Variants in XIRP2 observed in about 807,000 individuals in gnomAD.
The protein encoded by XIRP2 is xin actin-binding repeat-containing protein 2.
Under a neutral mutation model 277.0 loss-of-function variants are expected in XIRP2, and 236 were observed. The observed-to-expected ratio is 0.85, with a 90% CI of 0.77 to 0.95. The LOEUF is 0.95. Ranked by LOEUF, XIRP2 falls within the 40% of genes least tolerant of loss-of-function variation. XIRP2 has a pLI of 0.00. For synonymous variants in XIRP2, 1,490 were observed against 1,416.5 expected, an observed-to-expected ratio of 1.05 and a Z score of -1.17; for missense variants, 4,640 against 4,157.5, an observed-to-expected ratio of 1.12 and a Z score of -3.19.
intron 2 of XIRP2, among the ~76,000 whole-genome samples, chr2:167,118,494 TAAAATAAAATAAAA>T (rs1378787162): frequency 3.6e-4 from 47 of 131,702 alleles, no homozygotes; most frequent in African/African-American, 1.2e-3. Context: ...TAAAATAAAA[TAAAATAAAATAAAA>T]TAAAATAAAA....
In XIRP2 at chr2:167,254,135, TCCGATGCCA is replaced by T. The variant is rs1472342134; in HGVS notation, c.*12_*20del. 6.2e-7 allele frequency: 1 copy of T among 1,610,444 alleles called. No individual in the cohort carries two copies. Among genetic ancestry groups the T allele is most frequent in the East Asian group, 2.2e-5 (1 of 44,768 alleles). On this transcript the variant is annotated 3_prime_UTR_variant, in exon 10 of 11. Transcript: ENST00000409195. ...AAGCAGAATTTTCATAAGTCCTGCT[TCCGATGCCA>T]CCATTGCAACAGTAAACTAAGGTAA...
At position 166,966,430 on chromosome 2, in the gene XIRP2, G is replaced by A. The variant is rs149949511; in HGVS notation, c.408+62540G>A. On this transcript the variant is annotated intron_variant, in intron 2 of 10. Transcript: ENST00000409195. ...TCTATATTTGTCTCATGTTTTTATC[G>A]TTTATGTTTATATATATTTGTTTTA... Among the ~76,000 whole-genome samples, 486 of 151,518 alleles carry A rather than the reference G, an allele frequency of 3.2e-3. 5 individuals are homozygous for A. Among genetic ancestry groups the A allele is most frequent in the African/African-American group, 9.9e-3 (409 of 41,336 alleles).
chr2:167,148,390 A>C (rs73017942), intron 3 of XIRP2, among the ~76,000 whole-genome samples: 12,940 of 145,246 alleles, frequency 0.089, 576 homozygotes, highest in South Asian at 0.13. Context: ...AGAAAGAAGA[A>C]AAGAAAGAAA....
intron 2 of XIRP2, among the ~76,000 whole-genome samples, chr2:167,047,330 G>A (rs1688808994): frequency 6.6e-6 from 1 of 151,368 alleles, no homozygotes; most frequent in Non-Finnish European, 1.5e-5. Context: ...ATTATGAAGA[G>A]AAATCTGTAA....
chr2:167,051,549 C>G (rs1390587582), intron 2 of XIRP2, among the ~76,000 whole-genome samples: 4 of 152,048 alleles, frequency 2.6e-5, no homozygotes, highest in African/African-American at 9.7e-5. Context: ...TTATACTCTA[C>G]ATTCTCTCCT....
At chr2:167,072,429 T>C (rs916244410) in intron 2 of XIRP2, among the ~76,000 whole-genome samples, 1 of 152,206 alleles carries the variant, frequency 6.6e-6, no homozygotes, top group Non-Finnish European at 1.5e-5. Context: ...CTTCATGTAA[T>C]AATGTGGCCT....
intron 2 of XIRP2, among the ~76,000 whole-genome samples, chr2:167,010,842 G>T (rs1193174984): frequency 1.3e-5 from 2 of 151,912 alleles, no homozygotes; most frequent in Non-Finnish European, 2.9e-5. Context: ...ATTGTGAATG[G>T]GAGTTCACTC....
rs1329351154 is a variant in XIRP2 at position 167,066,386 on chromosome 2, A to G, written c.409-69523A>G. On this transcript the variant is annotated intron_variant, in intron 2 of 10. Coordinates refer to ENST00000409195, the MANE Select transcript of XIRP2 (RefSeq NM_152381.6). ...ATGGGTGTACAAAAAGGTGCTCAGC[A>G]TCACTATCAGGAAAATGCACATCAA... is the stretch of plus-strand genomic sequence containing the variant. 2.0e-5 allele frequency among the ~76,000 whole-genome samples: 3 copies of G among 152,012 alleles called. No individual in the cohort carries two copies. In the South Asian group the frequency reaches 6.2e-4, roughly 31 times the overall value.
chr2:167,248,506 CCAT>C lies in XIRP2; in HGVS notation c.7116_7118del (p.Ser2373del). The stretch of plus-strand genomic sequence containing the variant: ...TCTGCCGCCTCCTCCTCCTCCAACT[CCAT>C]CTCAAAAGCCAGCACATCTCCTTTC... On this transcript the variant is annotated inframe_deletion, in exon 9 of 11. Coordinates refer to ENST00000409195, the MANE Select transcript of XIRP2 (RefSeq NM_152381.6). 6.2e-7 allele frequency: 1 copy of C among 1,613,766 alleles called. No individual in the cohort carries two copies. Among genetic ancestry groups the C allele is most frequent in the Non-Finnish European group, 8.5e-7 (1 of 1,179,850 alleles).
At chr2:166,959,672 T>C (rs187717348) in intron 2 of XIRP2, among the ~76,000 whole-genome samples, 231 of 151,980 alleles carry the variant, frequency 1.5e-3, no homozygotes, top group African/African-American at 5.0e-3. Context: ...AATCTCAGCA[T>C]AGCAGGGTTT....
intron 2 of XIRP2, among the ~76,000 whole-genome samples, chr2:167,111,097 A>C (rs1690739880): frequency 6.6e-6 from 1 of 152,078 alleles, no homozygotes; most frequent in Non-Finnish European, 1.5e-5. Context: ...GGTTTTTTAC[A>C]TACCGAATTA....
At chr2:167,047,234 A>G (rs760554911) in intron 2 of XIRP2, among the ~76,000 whole-genome samples, 15 of 152,008 alleles carry the variant, frequency 9.9e-5, no homozygotes, top group Non-Finnish European at 1.6e-4. Context: ...AAATTTTTAC[A>G]TACAGTATCA....
chr2:167,086,350 A>C lies in XIRP2; in HGVS notation c.409-49559A>C, dbSNP rs537141943. 1.6e-3 allele frequency among the ~76,000 whole-genome samples: 237 copies of C among 152,196 alleles called. 3 individuals carry two copies. Among genetic ancestry groups the C allele is most frequent in the African/African-American group, 5.5e-3 (228 of 41,530 alleles). Reference sequence around the variant, plus strand: ...TGGGCTTCCCTTTGAGGGTAACCCAACCTTTCTCTCTGGCTGCCCTTCACA... The same window carrying C: ...TGGGCTTCCCTTTGAGGGTAACCCACCCTTTCTCTCTGGCTGCCCTTCACA... On this transcript the variant is annotated intron_variant, in intron 2 of 10. Coordinates refer to ENST00000409195, the MANE Select transcript of XIRP2 (RefSeq NM_152381.6).
chr2:167,178,300 C>T (rs1454755020), intron 3 of XIRP2, among the ~76,000 whole-genome samples: 1 of 152,084 alleles, frequency 6.6e-6, no homozygotes, highest in Non-Finnish European at 1.5e-5. Context: ...GAAATGTTGA[C>T]TCAACATATA....
At chr2:167,086,134 C>T (rs1440968903) in intron 2 of XIRP2, among the ~76,000 whole-genome samples, 1 of 151,638 alleles carries the variant, frequency 6.6e-6, no homozygotes, top group African/African-American at 2.4e-5. Context: ...TTAGGGCTGG[C>T]CTGGTGGTGA....
intron 1 of XIRP2, among the ~76,000 whole-genome samples, chr2:166,898,736 AGAT>A (rs1452648250): frequency 6.6e-6 from 1 of 152,088 alleles, no homozygotes; most frequent in East Asian, 1.9e-4. Context: ...ACTACCACAC[AGAT>A]CTCCCTGTGT....
At chr2:166,942,923 T>A (rs1227956178) in intron 2 of XIRP2, among the ~76,000 whole-genome samples, 1 of 152,168 alleles carries the variant, frequency 6.6e-6, no homozygotes, top group African/African-American at 2.4e-5. Flanking sequence ...AAACAGCATC[T>A]CTTGTTGTTA....
Position 167,243,919 on chromosome 2 carries a change from T to C in XIRP2, c.2527T>C (p.Trp843Arg). Residue 843 changes from tryptophan to arginine, a missense_variant, in exon 9 of 11, where the codon TGG becomes CGG. Coordinates refer to ENST00000409195, the MANE Select transcript of XIRP2 (RefSeq NM_152381.6). ...IIGTDVSRKCWMFETQPLDIL... is the reference protein window; with the variant it reads ...IIGTDVSRKCRMFETQPLDIL... The stretch of plus-strand genomic sequence containing the variant: ...AGGTACAGATGTCTCCAGAAAGTGT[T>C]GGATGTTTGAAACCCAGCCATTAGA... The C allele has an allele frequency of 6.2e-7, 1 of 1,614,012 alleles. No individual in the cohort carries two copies. The highest frequency in any genetic ancestry group is 1.1e-5 in the South Asian group (1 of 91,080).
chr2:166,999,809 A>G (rs765196548), intron 2 of XIRP2, among the ~76,000 whole-genome samples: 1 of 152,166 alleles, frequency 6.6e-6, no homozygotes, highest in African/African-American at 2.4e-5. Context: ...ATTCAAGAGC[A>G]TTTCAAGTCA....
Sources: gnomAD v4.1 joint callset for allele counts (sites outside exome capture counted in the v4.1 genomes callset) on GRCh38, gnomAD v4.1.1 for gene constraint, MANE v1.5 for transcripts, NCBI Gene and HGNC (gene_info 2026-07-23, HGNC 2026-07-21) for gene names.